The following RCAN2 variants were observed in gnomAD, a reference collection of about 807,000 sequenced individuals.
RCAN2 encodes calcipressin-2.
A neutral mutation model predicts 23.6 loss-of-function variants in RCAN2; 9 were observed. The ratio of observed to expected loss-of-function variants is 0.38; its 90% CI spans 0.23 to 0.67. The LOEUF is 0.67. Among genes scored for constraint, RCAN2 ranks in the 30% least tolerant of loss-of-function variants. The pLI is 0.51. For synonymous variants in RCAN2, 109 were observed against 115.7 expected (o/e 0.94, Z 0.37); for missense variants, 273 against 302.3 (o/e 0.90, Z 0.72).
At chr6:46,420,700 G>A in intron 2 of RCAN2, among the ~76,000 whole-genome samples, 1 of 151,774 alleles carries the variant, frequency 6.6e-6, no homozygotes, top group East Asian at 1.9e-4. Context: ...CCCACCATCA[G>A]GCCCGGCTAC....
At chr6:46,450,504 C>T (rs180815887) in intron 2 of RCAN2, among the ~76,000 whole-genome samples, 2 of 152,078 alleles carry the variant, frequency 1.3e-5, no homozygotes, top group East Asian at 1.9e-4. Flanking sequence ...CATTATTCAT[C>T]GCAGCATTAT....
At chr6:46,273,378 G>C (rs368449301) in intron 2 of RCAN2, among the ~76,000 whole-genome samples, 1 of 152,176 alleles carries the variant, frequency 6.6e-6, no homozygotes, top group Non-Finnish European at 1.5e-5. Flanking sequence ...TGGTGTTTGC[G>C]TAGCACTTCA....
chr6:46,455,972 T>C (rs981910730), intron 2 of RCAN2, among the ~76,000 whole-genome samples: 1 of 151,746 alleles, frequency 6.6e-6, no homozygotes, highest in African/African-American at 2.4e-5. Flanking sequence ...CAACTAAGAA[T>C]CTACATCTAC....
chr6:46,402,851 T>C (rs1237197554), intron 2 of RCAN2, among the ~76,000 whole-genome samples: 3 of 152,220 alleles, frequency 2.0e-5, no homozygotes, highest in Non-Finnish European at 4.4e-5. Flanking sequence ...TTAATGTTTG[T>C]ATGCCTTTCT....
intron 2 of RCAN2, among the ~76,000 whole-genome samples, chr6:46,389,191 T>C (rs1036973813): frequency 2.0e-5 from 3 of 152,134 alleles, no homozygotes; most frequent in Admixed American, 6.5e-5. Flanking sequence ...CTAGATTCCA[T>C]AGGAGAAAGG....
intron 2 of RCAN2, among the ~76,000 whole-genome samples, chr6:46,452,163 T>C (rs1468284690): frequency 6.6e-6 from 1 of 152,152 alleles, no homozygotes; most frequent in Non-Finnish European, 1.5e-5. Context: ...GAGGCAGTAG[T>C]GCATAATGTT....
intron 2 of RCAN2, among the ~76,000 whole-genome samples, chr6:46,307,297 C>T (rs1485711982): frequency 6.6e-6 from 1 of 152,198 alleles, no homozygotes. Flanking sequence ...GCGCAATGTT[C>T]AAGACAAACA....
intron 2 of RCAN2, among the ~76,000 whole-genome samples, chr6:46,308,935 G>C (rs918928109): frequency 6.6e-6 from 1 of 152,234 alleles, no homozygotes; most frequent in Admixed American, 6.5e-5. Context: ...ACATAAAATA[G>C]GGGACACTTA....
chr6:46,361,491 C>G (rs559922320), intron 2 of RCAN2, among the ~76,000 whole-genome samples: 1 of 152,168 alleles, frequency 6.6e-6, no homozygotes, highest in Non-Finnish European at 1.5e-5. Context: ...ATTGGACAAC[C>G]TATTTAAAAG....
chr6:46,314,450 G>T (rs1233111452), intron 2 of RCAN2, among the ~76,000 whole-genome samples: 1 of 151,314 alleles, frequency 6.6e-6, no homozygotes, highest in African/African-American at 2.4e-5. Flanking sequence ...GCCAGAGTAG[G>T]TGTGTAGGTG....
rs561058619 is a variant in RCAN2, at chr6:46,353,087, C to T, written c.225+103665G>A. ...AGAGGTGGAGTAAAGGCAGTGCAGGCGCAGCTGCCAATCATGTGTCACATG... is the reference window on the plus strand; with the variant it reads ...AGAGGTGGAGTAAAGGCAGTGCAGGTGCAGCTGCCAATCATGTGTCACATG... On this transcript the variant is annotated intron_variant, in intron 2 of 4. Transcript: ENST00000371374. Among the ~76,000 whole-genome samples, 8 of 152,196 alleles carry T rather than the reference C, an allele frequency of 5.3e-5. No homozygotes were observed. The South Asian group carries it at 1.0e-3, about 20-fold the overall frequency.
At chr6:46,330,085 A>C (rs1763917331) in intron 2 of RCAN2, among the ~76,000 whole-genome samples, 1 of 152,218 alleles carries the variant, frequency 6.6e-6, no homozygotes, top group African/African-American at 2.4e-5. Context: ...AGAATTTCAA[A>C]TATATTCAGC....
chr6:46,241,766 T>C (rs754448003), intron 4 of RCAN2, among the ~76,000 whole-genome samples: 1 of 152,226 alleles, frequency 6.6e-6, no homozygotes, highest in Admixed American at 6.5e-5. Flanking sequence ...TTAACCACTC[T>C]GTGCCTCACA....
chr6:46,247,811 G>A (rs189692580), intron 3 of RCAN2, among the ~76,000 whole-genome samples: 56 of 152,298 alleles, frequency 3.7e-4, no homozygotes, highest in Admixed American at 1.0e-3. Context: ...TGTTGTGAAC[G>A]TGTGTGTACA....
Position 46,405,045 on chromosome 6 carries a change from C to T in RCAN2, c.225+51707G>A, listed in dbSNP as rs551442486. 2.0e-5 allele frequency among the ~76,000 whole-genome samples: 3 copies of T among 152,254 alleles called. No individual in the cohort carries two copies. The East Asian group carries it at 5.8e-4, about 29-fold the overall frequency. On this transcript the variant is annotated intron_variant, in intron 2 of 4. Transcript: ENST00000371374. ...CGGGTTGGGGAAACATAGATGAAAG[C>T]GTGTCCAGAATTGGCGGGTTCTTGA...
At chr6:46,301,686 A>G (rs1276533225) in intron 2 of RCAN2, among the ~76,000 whole-genome samples, 1 of 152,076 alleles carries the variant, frequency 6.6e-6, no homozygotes, top group Non-Finnish European at 1.5e-5. Context: ...GAAGTGACTG[A>G]GTAAGGGAGT....
chr6:46,301,351 C>T (rs1240459786), intron 2 of RCAN2, among the ~76,000 whole-genome samples: 2 of 152,002 alleles, frequency 1.3e-5, no homozygotes, highest in African/African-American at 2.4e-5. Context: ...ACAGGTATGG[C>T]CCTCCAGATA....
At chr6:46,445,946 T>C (rs1767691321) in intron 2 of RCAN2, among the ~76,000 whole-genome samples, 1 of 152,022 alleles carries the variant, frequency 6.6e-6, no homozygotes, top group Non-Finnish European at 1.5e-5. Flanking sequence ...CAAGCAAGTA[T>C]TCAAATTATT....
chr6:46,452,338 A>T (rs1354819935), intron 2 of RCAN2, among the ~76,000 whole-genome samples: 1 of 152,152 alleles, frequency 6.6e-6, no homozygotes, highest in Non-Finnish European at 1.5e-5. Context: ...CTATAATAAC[A>T]AACCCCAAAA....
Sources: gnomAD v4.1 joint callset for allele counts (sites outside exome capture counted in the v4.1 genomes callset) on GRCh38, gnomAD v4.1.1 for gene constraint, MANE v1.5 for transcripts, NCBI Gene and HGNC (gene_info 2026-07-23, HGNC 2026-07-21) for gene names.